The following HYDIN variants were observed in gnomAD, a reference collection of about 807,000 sequenced individuals.
The protein encoded by HYDIN is axonemal central pair apparatus protein HYDIN.
HYDIN carries 132 observed loss-of-function variants against 403.9 expected under a neutral mutation model. The ratio of observed to expected loss-of-function variants is 0.33; its 90% CI spans 0.28 to 0.38. The LOEUF (loss-of-function observed/expected upper bound fraction) is 0.38, where lower values mean the gene tolerates loss of function less well. Ranked by LOEUF, HYDIN falls within the 10% of genes least tolerant of loss-of-function variation. The pLI is 1.00. For missense variants in HYDIN, 2,827 were observed against 5,009.5 expected, an observed-to-expected ratio of 0.56 and a Z score of 13.15; for synonymous variants, 1,202 against 1,891.7, an observed-to-expected ratio of 0.64 and a Z score of 9.46.
intron 10 of HYDIN, among the ~76,000 whole-genome samples, chr16:71,108,397 G>C (rs147980589): frequency 0.019 from 2,849 of 152,156 alleles, 44 homozygotes; most frequent in Non-Finnish European, 0.031. Context: ...GGTGATTCCA[G>C]GGGAGGCTGC....
At chr16:70,932,439 C>T (rs2077372558) in intron 45 of HYDIN, among the ~76,000 whole-genome samples, 1 of 151,904 alleles carries the variant, frequency 6.6e-6, no homozygotes, top group African/African-American at 2.4e-5. Context: ...AGGTGGGAGA[C>T]TCATTAAGTG....
At chr16:70,928,194 A>T (rs1424116813) in intron 45 of HYDIN, among the ~76,000 whole-genome samples, 4 of 152,220 alleles carry the variant, frequency 2.6e-5, no homozygotes, top group Non-Finnish European at 5.9e-5. Context: ...CTACATTAGC[A>T]TATAATTTAG....
At chr16:71,012,673 A>G (rs2144104208) in intron 23 of HYDIN, among the ~76,000 whole-genome samples, 1 of 151,962 alleles carries the variant, frequency 6.6e-6, no homozygotes, top group Non-Finnish European at 1.5e-5. Flanking sequence ...GAAAAAGAAA[A>G]CCCTCTCTTA....
intron 22 of HYDIN, among the ~76,000 whole-genome samples, chr16:71,019,852 T>C (rs991798563): frequency 3.3e-5 from 5 of 152,288 alleles, no homozygotes; most frequent in African/African-American, 9.6e-5. Context: ...TTTGAATTTT[T>C]TCTCAAAAAA....
At chr16:71,126,289 T>C (rs888270222) in intron 9 of HYDIN, among the ~76,000 whole-genome samples, 20 of 152,162 alleles carry the variant, frequency 1.3e-4, no homozygotes, top group Non-Finnish European at 2.1e-4. Context: ...CAAGTGTTCA[T>C]GTAGGGAAAG....
intron 15 of HYDIN, among the ~76,000 whole-genome samples, chr16:71,066,305 A>G (rs1375969763): frequency 6.6e-6 from 1 of 152,186 alleles, no homozygotes. Flanking sequence ...AATACTAAGT[A>G]GGTCACAGTG....
At position 71,027,691 on chromosome 16, in the gene HYDIN, G is replaced by A; in HGVS notation, c.2953C>T (p.Pro985Ser). ...CTGGCGGGGTGGAGATGAAACACGG[G>A]GCTCTGTGGATCCCTGGGCTCCTGA... ...GSQEPRDPQS[P>S]VFHLHPASME... Residue 985 changes from proline to serine, a missense_variant, in exon 20 of 86, where the codon CCC becomes TCC. Physicochemically the swap from Pro to Ser is moderately conservative, Grantham distance 74. Coordinates refer to ENST00000393567, the MANE Select transcript of HYDIN (RefSeq NM_001270974.2). The A allele has an allele frequency of 6.3e-7, 1 of 1,594,146 alleles. No homozygotes were observed. The highest frequency in any genetic ancestry group is 8.6e-7 in the Non-Finnish European group (1 of 1,168,154).
chr16:71,221,369 T>A (rs2089192057), intron 1 of HYDIN, among the ~76,000 whole-genome samples: 1 of 152,266 alleles, frequency 6.6e-6, no homozygotes, highest in South Asian at 2.1e-4. Flanking sequence ...TGATTTTTAC[T>A]TTAAAATAAG....
chr16:70,992,036 T>C lies in HYDIN; in HGVS notation c.3785+34A>G, dbSNP rs2079370671. ...AAGTCCGTGTAAAGAAAAGAAAAGC[T>C]ACTACAAATAATCTATGTTGGCTTT... On this transcript the variant is annotated intron_variant, in intron 24 of 85. Transcript: ENST00000393567. 3.7e-6 allele frequency: 6 copies of C among 1,613,020 alleles called. No homozygotes were observed. In the East Asian group the frequency reaches 8.9e-5, roughly 24 times the overall value.
At chr16:71,009,861 A>G (rs2080018770) in intron 23 of HYDIN, among the ~76,000 whole-genome samples, 1 of 123,920 alleles carries the variant, frequency 8.1e-6, no homozygotes, top group Non-Finnish European at 1.6e-5. Context: ...TTTTCCCTGC[A>G]GCTTCCGGAG....
At chr16:71,141,806 G>A (rs867509905) in intron 7 of HYDIN, among the ~76,000 whole-genome samples, 11 of 152,164 alleles carry the variant, frequency 7.2e-5, no homozygotes, top group Admixed American at 4.6e-4. Context: ...AATTGCACTT[G>A]TAGGTATTTA....
chr16:70,950,671 C>A (rs1218440857), intron 41 of HYDIN, among the ~76,000 whole-genome samples: 1 of 151,910 alleles, frequency 6.6e-6, no homozygotes, highest in Non-Finnish European at 1.5e-5. Flanking sequence ...GGATGGGCCT[C>A]CTCTCCTACC....
In HYDIN at chr16:71,032,111, C is replaced by T. The variant is rs112672036; in HGVS notation, c.2530-194G>A. On this transcript the variant is annotated intron_variant, in intron 18 of 85. Transcript: ENST00000393567. ...CAAAAAGCAATCTGATTCTGAAGAG[C>T]AAACCTACGATTTTACTTTTGAATT... Among the ~76,000 whole-genome samples the T allele has an allele frequency of 2.6e-3, 387 of 151,564 alleles. 3 individuals are homozygous for T. Among genetic ancestry groups the T allele is most frequent in the African/African-American group, 8.7e-3 (357 of 41,260 alleles).
At chr16:71,139,681 G>A (rs1490341203) in intron 7 of HYDIN, among the ~76,000 whole-genome samples, 2 of 151,626 alleles carry the variant, frequency 1.3e-5, no homozygotes, top group East Asian at 3.9e-4. Context: ...AGGTAGTTCA[G>A]AAAACACAAA....
intron 1 of HYDIN, among the ~76,000 whole-genome samples, chr16:71,203,139 G>A (rs1314069484): frequency 6.6e-6 from 1 of 152,152 alleles, no homozygotes; most frequent in African/African-American, 2.4e-5. Flanking sequence ...GATGTGAGCA[G>A]GGTGGATAGA....
intron 1 of HYDIN, among the ~76,000 whole-genome samples, chr16:71,217,182 A>G (rs1007202795): frequency 2.4e-4 from 37 of 152,202 alleles, no homozygotes; most frequent in Non-Finnish European, 1.2e-4. Context: ...CAAATAGTCC[A>G]TCCAATAGAT....
At chr16:70,874,759 C>G in intron 63 of HYDIN, 58 bp downstream of exon 63, 17 of 1,550,800 alleles carry the variant, frequency 1.1e-5, no homozygotes, top group Non-Finnish European at 1.4e-5. Flanking sequence ...TGAGTGGTCC[C>G]CTAATGAAGC....
chr16:71,102,500 T>C (rs2083487693), intron 10 of HYDIN, among the ~76,000 whole-genome samples: 1 of 151,770 alleles, frequency 6.6e-6, no homozygotes, highest in Admixed American at 6.6e-5. Context: ...ATGATGTAAG[T>C]TGTTTTACCT....
chr16:71,073,411 C>T (rs1361656123), intron 13 of HYDIN, among the ~76,000 whole-genome samples: 1 of 152,082 alleles, frequency 6.6e-6, no homozygotes, highest in Non-Finnish European at 1.5e-5. Context: ...CATTACAATC[C>T]GGTTTTGCTC....
Sources: gnomAD v4.1 joint callset for allele counts (sites outside exome capture counted in the v4.1 genomes callset) on GRCh38, gnomAD v4.1.1 for gene constraint, MANE v1.5 for transcripts, NCBI Gene and HGNC (gene_info 2026-07-23, HGNC 2026-07-21) for gene names.